SLC7A14: variants seen among roughly 807,000 people sequenced by gnomAD.
The protein encoded by SLC7A14 is gamma-aminobutyric acid transporter SLC7A14.
SLC7A14 carries 37 observed loss-of-function variants against 60.2 expected under a neutral mutation model. The observed-to-expected ratio is 0.61, with a 90% CI of 0.47 to 0.81. The LOEUF is 0.81. Among genes scored for constraint, SLC7A14 ranks in the 30% least tolerant of loss-of-function variants. The pLI is 0.00. For synonymous variants in SLC7A14, 399 were observed against 395.8 expected (o/e 1.01, Z -0.10); for missense variants, 886 against 982.7 (o/e 0.90, Z 1.32).
chr3:170,539,816 A>G lies in SLC7A14; in HGVS notation c.-152-12728T>C, dbSNP rs114877120. On this transcript the variant is annotated intron_variant, in intron 1 of 7. Transcript: ENST00000231706. ...GCATATAGTACTGAATCTTATATAT[A>G]CTTAAAGTTTTTTCCTATATGTACA... 2.5e-3 allele frequency among the ~76,000 whole-genome samples: 379 copies of G among 152,352 alleles called. 4 individuals carry two copies. The highest frequency in any genetic ancestry group is 8.6e-3 in the African/African-American group (359 of 41,584).
chr3:170,533,682 GT>G (rs1363843799), intron 1 of SLC7A14, among the ~76,000 whole-genome samples: 224 of 147,030 alleles, frequency 1.5e-3, no homozygotes, highest in African/African-American at 4.5e-3. Flanking sequence ...TGTGTGTGGT[GT>G]GTGTGTGTGC....
intron 7 of SLC7A14, among the ~76,000 whole-genome samples, chr3:170,472,217 AT>A (rs1208338978): frequency 2.0e-5 from 3 of 149,162 alleles, no homozygotes; most frequent in African/African-American, 5.1e-5. Flanking sequence ...AAAAAAAAAA[AT>A]AATTAGCTGG....
intron 2 of SLC7A14, among the ~76,000 whole-genome samples, chr3:170,526,335 G>A (rs1047565660): frequency 2.6e-5 from 4 of 151,746 alleles, no homozygotes; most frequent in African/African-American, 7.3e-5. Context: ...CAAGGAGGTG[G>A]AGGTTTCAGT....
chr3:170,574,617 TC>T (rs1715038701), intron 1 of SLC7A14, among the ~76,000 whole-genome samples: 1 of 152,144 alleles, frequency 6.6e-6, no homozygotes, highest in Non-Finnish European at 1.5e-5. Flanking sequence ...GTCAAACTCT[TC>T]CCTAACCAGC....
At chr3:170,487,578 T>C (rs1712074526) in intron 4 of SLC7A14, among the ~76,000 whole-genome samples, 1 of 152,182 alleles carries the variant, frequency 6.6e-6, no homozygotes, top group East Asian at 1.9e-4. Context: ...ACTCTTACTT[T>C]CCTCACTGAC....
At chr3:170,552,543 C>T (rs753802875) in intron 1 of SLC7A14, among the ~76,000 whole-genome samples, 1 of 152,090 alleles carries the variant, frequency 6.6e-6, no homozygotes, top group Non-Finnish European at 1.5e-5. Context: ...TATTTGAAAG[C>T]GAATTCTTCC....
intron 1 of SLC7A14, among the ~76,000 whole-genome samples, chr3:170,554,222 G>A (rs1367959304): frequency 6.6e-6 from 1 of 152,190 alleles, no homozygotes; most frequent in Non-Finnish European, 1.5e-5. Context: ...GCTGGGCATG[G>A]CTAGGAGTGA....
chr3:170,510,380 ACT>A (rs575990516), intron 2 of SLC7A14, among the ~76,000 whole-genome samples: 97 of 133,898 alleles, frequency 7.2e-4, no homozygotes, highest in African/African-American at 2.3e-3. Context: ...ACAGAGCAAG[ACT>A]CTGTCAAAAA....
At chr3:170,477,145 C>T (rs976814887) in intron 7 of SLC7A14, among the ~76,000 whole-genome samples, 1 of 152,220 alleles carries the variant, frequency 6.6e-6, no homozygotes, top group Non-Finnish European at 1.5e-5. Context: ...CTCAGAGGCA[C>T]CCTGGTGGGG....
intron 1 of SLC7A14, among the ~76,000 whole-genome samples, chr3:170,541,218 A>G (rs1445956614): frequency 6.6e-6 from 1 of 152,226 alleles, no homozygotes; most frequent in Admixed American, 6.5e-5. Context: ...GACAACCTAC[A>G]TTTCTCAATA....
At chr3:170,492,520 C>G (rs1041942778) in intron 4 of SLC7A14, among the ~76,000 whole-genome samples, 29 of 151,964 alleles carry the variant, frequency 1.9e-4, no homozygotes, top group Non-Finnish European at 5.9e-5. Context: ...AAAGTACTGA[C>G]CTTTGTATTT....
At chr3:170,566,176 C>A (rs536107836) in intron 1 of SLC7A14, among the ~76,000 whole-genome samples, 1 of 152,306 alleles carries the variant, frequency 6.6e-6, no homozygotes, top group East Asian at 1.9e-4. Context: ...CTCCACCCCT[C>A]TGGGTGCTTG....
chr3:170,563,403 C>CTGTT (rs1382152301), intron 1 of SLC7A14, among the ~76,000 whole-genome samples: 3 of 139,274 alleles, frequency 2.2e-5, no homozygotes, highest in Non-Finnish European at 3.0e-5. Context: ...TCAACAAACA[C>CTGTT]TGTTTGTTTG....
chr3:170,503,024 G>A (rs1264005265), intron 2 of SLC7A14: 2 of 152,158 alleles, frequency 1.3e-5, no homozygotes, highest in Non-Finnish European at 2.9e-5. Context: ...AATCTGTTGA[G>A]CACAGCTTAG....
In SLC7A14 at chr3:170,526,957, G is replaced by A; in HGVS notation, c.-21C>T. On this transcript the variant is annotated 5_prime_UTR_variant, in exon 2 of 8. Transcript: ENST00000231706. ...CTCATCTTGAGCGATAGGGGATGCAGTGAAGGTCAGCTGATGGAAGGGGGC... is the reference window on the plus strand; with the variant it reads ...CTCATCTTGAGCGATAGGGGATGCAATGAAGGTCAGCTGATGGAAGGGGGC... 2.5e-6 allele frequency: 4 copies of A among 1,602,228 alleles called. No homozygotes were observed. The highest frequency in any genetic ancestry group is 3.4e-6 in the Non-Finnish European group (4 of 1,174,200).
At chr3:170,469,018 C>T (rs1739803730) in intron 7 of SLC7A14, among the ~76,000 whole-genome samples, 1 of 152,062 alleles carries the variant, frequency 6.6e-6, no homozygotes, top group Non-Finnish European at 1.5e-5. Context: ...TCAGAGTGTC[C>T]CTGAGATAAT....
At chr3:170,491,611 T>G (rs1018391844) in intron 4 of SLC7A14, among the ~76,000 whole-genome samples, 1 of 151,322 alleles carries the variant, frequency 6.6e-6, no homozygotes, top group Non-Finnish European at 1.5e-5. Context: ...GAGGCCTAAG[T>G]GTAGGGGGTG....
chr3:170,541,104 A>G (rs1485756586), intron 1 of SLC7A14, among the ~76,000 whole-genome samples: 1 of 152,202 alleles, frequency 6.6e-6, no homozygotes, highest in Non-Finnish European at 1.5e-5. Flanking sequence ...ACTGATATAA[A>G]TGTTTTTGGA....
chr3:170,502,244 A>G (rs1418402357), intron 2 of SLC7A14, among the ~76,000 whole-genome samples: 1 of 152,204 alleles, frequency 6.6e-6, no homozygotes, highest in Non-Finnish European at 1.5e-5. Context: ...TGTGTTTTCC[A>G]AAGTGGGTTC....
Sources: gnomAD v4.1 joint callset for allele counts (sites outside exome capture counted in the v4.1 genomes callset) on GRCh38, gnomAD v4.1.1 for gene constraint, MANE v1.5 for transcripts, NCBI Gene and HGNC (gene_info 2026-07-23, HGNC 2026-07-21) for gene names.